WNT7A: variants seen among roughly 807,000 people sequenced by gnomAD.
The protein encoded by WNT7A is Wnt family member 7A, also known as protein Wnt-7a.
WNT7A carries 16 observed loss-of-function variants against 28.2 expected under a neutral mutation model. The observed-to-expected ratio is 0.57, with a 90% CI of 0.38 to 0.86. WNT7A has a LOEUF of 0.86. Among genes scored for constraint, WNT7A ranks in the 40% least tolerant of loss-of-function variants. WNT7A has a pLI of 0.00. For synonymous variants in WNT7A, 190 were observed against 195.9 expected, an observed-to-expected ratio of 0.97 and a Z score of 0.25; for missense variants, 411 against 489.7, an observed-to-expected ratio of 0.84 and a Z score of 1.52.
At chr3:13,869,717 GA>G (rs150827553) in intron 2 of WNT7A, among the ~76,000 whole-genome samples, 8,606 of 150,552 alleles carry the variant, frequency 0.057, 353 homozygotes, top group Non-Finnish European at 0.086. Context: ...GAGAAAGAAA[GA>G]AAAAAAGGAA....
intron 3 of WNT7A, among the ~76,000 whole-genome samples, chr3:13,828,750 T>A (rs762860587): frequency 4.6e-5 from 7 of 152,186 alleles, no homozygotes; most frequent in Non-Finnish European, 1.0e-4. Context: ...CTGGCTCCTC[T>A]GCAGGGAGTG....
At chr3:13,858,332 G>A (rs577582660) in intron 2 of WNT7A, among the ~76,000 whole-genome samples, 7 of 152,358 alleles carry the variant, frequency 4.6e-5, no homozygotes, top group African/African-American at 1.7e-4. Flanking sequence ...TTCTCCCTGG[G>A]GAAGGGGCAG....
rs117125697 is a variant in WNT7A at position 13,818,788 on chromosome 3, T to C, written c.*156A>G. The C allele has an allele frequency of 8.8e-5, 104 of 1,186,526 alleles. 1 individual carries two copies. In the East Asian group the frequency reaches 2.7e-3, roughly 30 times the overall value. 73.5% of individuals were successfully genotyped at this position (1,186,526 alleles called of 1,614,324 possible). ...AATAGTTGAGGGCTCTGAGAGATTTTTTTTCCCCCACGGATGCCTGCAGGA... is the reference window on the plus strand; with the variant it reads ...AATAGTTGAGGGCTCTGAGAGATTTCTTTTCCCCCACGGATGCCTGCAGGA... On this transcript the variant is annotated 3_prime_UTR_variant, in exon 4 of 4. Transcript: ENST00000285018.
Position 13,854,799 on chromosome 3 carries a change from G to A in WNT7A, c.303C>T (p.Ser101=), listed in dbSNP as rs758186606. 3.7e-6 allele frequency: 6 copies of A among 1,612,382 alleles called. No homozygotes were observed. The highest frequency in any genetic ancestry group is 3.7e-4 in the Middle Eastern group (2 of 5,338). The change falls in exon 3 of 4, where the codon AGC becomes AGT. Residue 101 remains serine, a synonymous_variant. Coordinates refer to ENST00000285018, the MANE Select transcript of WNT7A (RefSeq NM_004625.4). Reference sequence around the variant, plus strand: ...TGGCGTAGGTGAACGCAGCCTCCCGGCTCCCTGCGAGGAGGAGAGAAGAGG... The same window carrying A: ...TGGCGTAGGTGAACGCAGCCTCCCGACTCCCTGCGAGGAGGAGAGAAGAGG... The part of the protein sequence containing the change: ...TVFGKELKVG[S]REAAFTYAII...
intron 2 of WNT7A, among the ~76,000 whole-genome samples, chr3:13,873,992 G>A (rs1162390478): frequency 2.6e-5 from 4 of 152,330 alleles, no homozygotes; most frequent in South Asian, 4.1e-4. Flanking sequence ...TGATTTCCAT[G>A]TAAAAGGATG....
chr3:13,866,720 G>A (rs922990077), intron 2 of WNT7A, among the ~76,000 whole-genome samples: 3 of 152,196 alleles, frequency 2.0e-5, no homozygotes, highest in Admixed American at 2.0e-4. Flanking sequence ...CCATAAAGGA[G>A]CAGGGGATGG....
intron 3 of WNT7A, among the ~76,000 whole-genome samples, chr3:13,851,582 T>C (rs945886384): frequency 6.6e-6 from 1 of 152,234 alleles, no homozygotes; most frequent in South Asian, 2.1e-4. Context: ...TCTCCTACAG[T>C]GTGTAGCCCT....
At chr3:13,876,234 A>T (rs753979773) in intron 1 of WNT7A, among the ~76,000 whole-genome samples, 1 of 152,190 alleles carries the variant, frequency 6.6e-6, no homozygotes, top group Non-Finnish European at 1.5e-5. Flanking sequence ...AAGTTCTAGG[A>T]GACAAGTTCG....
At chr3:13,854,336 A>G (rs1694690254) in intron 3 of WNT7A, among the ~76,000 whole-genome samples, 196 bp downstream of exon 3, 1 of 151,954 alleles carries the variant, frequency 6.6e-6, no homozygotes, top group Non-Finnish European at 1.5e-5. Flanking sequence ...CAATTATCCA[A>G]CCTCTTCAGT....
intron 3 of WNT7A, among the ~76,000 whole-genome samples, chr3:13,849,675 A>G (rs1694596988): frequency 6.6e-6 from 1 of 152,156 alleles, no homozygotes; most frequent in Non-Finnish European, 1.5e-5. Context: ...ACATGCAAGT[A>G]AAGTAGGGTG....
intron 2 of WNT7A, among the ~76,000 whole-genome samples, chr3:13,869,031 TGAGA>T (rs200657333): frequency 4.5e-5 from 3 of 67,170 alleles, no homozygotes; most frequent in Admixed American, 1.6e-4. Flanking sequence ...AGAGAGAAAG[TGAGA>T]GAGAGAGAAA....
At chr3:13,827,215 A>G (rs1401113944) in intron 3 of WNT7A, among the ~76,000 whole-genome samples, 2 of 152,188 alleles carry the variant, frequency 1.3e-5, no homozygotes, top group Non-Finnish European at 2.9e-5. Flanking sequence ...ACCAGGGTTC[A>G]AGAGGGTTGC....
At chr3:13,852,683 C>A (rs1228723256) in intron 3 of WNT7A, among the ~76,000 whole-genome samples, 1 of 152,146 alleles carries the variant, frequency 6.6e-6, no homozygotes, top group Non-Finnish European at 1.5e-5. Flanking sequence ...GGCTGGAAGA[C>A]CACCTCACCG....
intron 3 of WNT7A, among the ~76,000 whole-genome samples, chr3:13,845,201 G>A (rs1231941845): frequency 6.6e-6 from 1 of 152,214 alleles, no homozygotes; most frequent in East Asian, 1.9e-4. Context: ...TGGGCTGGCA[G>A]GAGGCCAGGG....
intron 3 of WNT7A, among the ~76,000 whole-genome samples, chr3:13,845,904 G>A (rs1372921541): frequency 1.3e-5 from 2 of 152,230 alleles, no homozygotes; most frequent in Non-Finnish European, 2.9e-5. Context: ...TGTTCATCAG[G>A]CTGAACAAGT....
intron 3 of WNT7A, among the ~76,000 whole-genome samples, chr3:13,829,942 AC>A (rs1694250983): frequency 6.6e-6 from 1 of 151,762 alleles, no homozygotes. Flanking sequence ...TCACCCCAGA[AC>A]CCCTGTCCTA....
intron 2 of WNT7A, among the ~76,000 whole-genome samples, chr3:13,868,782 AAGGAAGGAAGG>A (rs1694970665): frequency 8.3e-5 from 2 of 23,974 alleles, no homozygotes; most frequent in Admixed American, 4.2e-4. Flanking sequence ...GGAAGGGAGG[AAGGAAGGAAGG>A]GAGAGAGAGA....
intron 2 of WNT7A, among the ~76,000 whole-genome samples, chr3:13,872,671 G>A (rs970467130): frequency 1.1e-4 from 16 of 152,118 alleles, no homozygotes; most frequent in Non-Finnish European, 2.9e-5. Flanking sequence ...CCTGGTGTGC[G>A]CTGGCAGTAT....
At chr3:13,845,005 G>T (rs1020888886) in intron 3 of WNT7A, among the ~76,000 whole-genome samples, 1 of 152,212 alleles carries the variant, frequency 6.6e-6, no homozygotes, top group Non-Finnish European at 1.5e-5. Context: ...TGCGTCTTTT[G>T]ACTTGATCTC....
Sources: allele counts gnomAD v4.1 joint callset (sites outside exome capture counted in the v4.1 genomes callset), GRCh38; gene constraint gnomAD v4.1.1; transcripts MANE v1.5; gene names NCBI Gene and HGNC (gene_info 2026-07-23, HGNC 2026-07-21).